Variants in HSF2BP observed in about 807,000 individuals in gnomAD.
HSF2BP encodes the protein heat shock factor 2-binding protein.
Under a neutral mutation model 35.0 loss-of-function variants are expected in HSF2BP, and 35 were observed. The ratio of observed to expected loss-of-function variants is 1.00; its 90% confidence interval spans 0.76 to 1.32. HSF2BP has a LOEUF of 1.32. Among genes scored for constraint, HSF2BP ranks in the 40% most tolerant of loss-of-function variants. The pLI, the probability that HSF2BP is intolerant of heterozygous loss-of-function variation, is 0.00. For synonymous variants in HSF2BP, 114 were observed against 117.4 expected (o/e 0.97, Z 0.18); for missense variants, 326 against 321.7 (o/e 1.01, Z -0.10).
At chr21:43,608,471 A>G (rs1018844161) in intron 7 of HSF2BP, among the ~76,000 whole-genome samples, 2 of 152,200 alleles carry the variant, frequency 1.3e-5, no homozygotes, top group Non-Finnish European at 1.5e-5. Flanking sequence ...AACCACTGAA[A>G]AAAGGGAACT....
intron 7 of HSF2BP, among the ~76,000 whole-genome samples, chr21:43,598,276 C>T (rs1223535855): frequency 6.6e-6 from 1 of 151,948 alleles, no homozygotes; most frequent in Non-Finnish European, 1.5e-5. Flanking sequence ...GCAATCTCGG[C>T]TCCCTGCAAC....
At chr21:43,631,880 C>T in intron 5 of HSF2BP, among the ~76,000 whole-genome samples, 1 of 151,906 alleles carries the variant, frequency 6.6e-6, no homozygotes, top group Admixed American at 6.6e-5. Flanking sequence ...CGTGTGCACG[C>T]TCCCACACAC....
intron 6 of HSF2BP, among the ~76,000 whole-genome samples, chr21:43,618,501 A>T (rs1255998326): frequency 6.6e-6 from 1 of 152,238 alleles, no homozygotes; most frequent in Non-Finnish European, 1.5e-5. Flanking sequence ...AAGACAAATC[A>T]ATGGAGAAAT....
chr21:43,614,019 A>T, intron 6 of HSF2BP, 72 bp from the exon 7 acceptor site: 6 of 1,078,686 alleles, frequency 5.6e-6, no homozygotes, highest in Non-Finnish European at 8.3e-6. Context: ...TGCAGAACAG[A>T]GTATTTTCTC....
Position 43,594,888 on chromosome 21 carries a change from T to C in HSF2BP, c.693-2560A>G, listed in dbSNP as rs183514224. On this transcript the variant is annotated intron_variant, in intron 7 of 8. Coordinates refer to ENST00000291560, the MANE Select transcript of HSF2BP (RefSeq NM_007031.2). ...AACAGGATACTCCTATTAAAAGGCA[T>C]AGATTATAGATGGTTAGATTAAAGG... Among the ~76,000 whole-genome samples the C allele has an allele frequency of 5.2e-4, 79 of 152,262 alleles. 1 individual carries two copies. Among genetic ancestry groups the C allele is most frequent in the Middle Eastern group, 3.4e-3 (1 of 294 alleles).
chr21:43,646,190 G>C (rs572139084), intron 3 of HSF2BP, among the ~76,000 whole-genome samples: 1 of 150,894 alleles, frequency 6.6e-6, no homozygotes, highest in Non-Finnish European at 1.5e-5. Context: ...AGAGCAGAGT[G>C]CCTTTGGACT....
chr21:43,580,968 A>G (rs1039827701), intron 8 of HSF2BP, among the ~76,000 whole-genome samples: 1 of 152,248 alleles, frequency 6.6e-6, no homozygotes, highest in African/African-American at 2.4e-5. Flanking sequence ...AATGCCAGAC[A>G]CTGAAGGGAA....
At chr21:43,582,539 G>GA (rs1402545353) in intron 8 of HSF2BP, among the ~76,000 whole-genome samples, 3 of 104,032 alleles carry the variant, frequency 2.9e-5, no homozygotes, top group Non-Finnish European at 4.0e-5. Flanking sequence ...TGAGGGAGAT[G>GA]AGGACCTGCT....
At chr21:43,585,039 G>A (rs900286568) in intron 8 of HSF2BP, among the ~76,000 whole-genome samples, 1 of 148,950 alleles carries the variant, frequency 6.7e-6, no homozygotes, top group Admixed American at 6.6e-5. Context: ...AGGAACAGTG[G>A]CCCACACCTG....
At chr21:43,629,632 T>C (rs182319011) in intron 6 of HSF2BP, among the ~76,000 whole-genome samples, 88 of 152,314 alleles carry the variant, frequency 5.8e-4, no homozygotes, top group African/African-American at 2.0e-3. Context: ...TCCTCATGGA[T>C]GACTTTGAAG....
intron 8 of HSF2BP, among the ~76,000 whole-genome samples, chr21:43,575,629 G>A (rs1354790799): frequency 6.6e-6 from 1 of 152,214 alleles, no homozygotes; most frequent in African/African-American, 2.4e-5. Flanking sequence ...ACACACTACT[G>A]TTGAGTAATC....
chr21:43,633,174 G>T, intron 5 of HSF2BP, 98 bp downstream of exon 5: 1 of 1,298,730 alleles, frequency 7.7e-7, no homozygotes, highest in Non-Finnish European at 1.1e-6. Context: ...AAAATGGAAA[G>T]ATATGGACTT....
At chr21:43,609,560 C>T (rs2082177531) in intron 7 of HSF2BP, among the ~76,000 whole-genome samples, 1 of 151,918 alleles carries the variant, frequency 6.6e-6, no homozygotes, top group Admixed American at 6.6e-5. Flanking sequence ...AGTGTAGTTC[C>T]CCAGAGAGAG....
intron 7 of HSF2BP, among the ~76,000 whole-genome samples, chr21:43,598,093 G>A (rs1350784887): frequency 6.6e-6 from 1 of 152,136 alleles, no homozygotes; most frequent in Non-Finnish European, 1.5e-5. Flanking sequence ...TTTATCTACT[G>A]AAAAGTGAAT....
At chr21:43,607,991 G>A (rs117616810) in intron 7 of HSF2BP, among the ~76,000 whole-genome samples, 3,663 of 152,170 alleles carry the variant, frequency 0.024, 64 homozygotes, top group Non-Finnish European at 0.038. Flanking sequence ...AACTATAAAA[G>A]TCCTAGAACA....
chr21:43,579,184 A>T (rs561353445), intron 8 of HSF2BP, among the ~76,000 whole-genome samples: 2 of 152,346 alleles, frequency 1.3e-5, no homozygotes, highest in Admixed American at 6.5e-5. Context: ...TACAAATCAT[A>T]TGGAAGATTT....
At chr21:43,624,684 G>A (rs1197543026) in intron 6 of HSF2BP, among the ~76,000 whole-genome samples, 1 of 152,142 alleles carries the variant, frequency 6.6e-6, no homozygotes, top group Admixed American at 6.5e-5. Context: ...TTTTGATGCT[G>A]CAATTATTAT....
intron 8 of HSF2BP, among the ~76,000 whole-genome samples, chr21:43,580,121 G>C (rs923325214): frequency 6.6e-6 from 1 of 152,204 alleles, no homozygotes; most frequent in African/African-American, 2.4e-5. Flanking sequence ...CTTTCTGTTT[G>C]TCACCTTTTT....
At chr21:43,611,208 T>C (rs1290310796) in intron 7 of HSF2BP, among the ~76,000 whole-genome samples, 4 of 152,298 alleles carry the variant, frequency 2.6e-5, no homozygotes, top group African/African-American at 9.6e-5. Flanking sequence ...TTCATACCAC[T>C]GTGCTCCAGC....
Sources: gnomAD v4.1 joint callset for allele counts (sites outside exome capture counted in the v4.1 genomes callset) on GRCh38, gnomAD v4.1.1 for gene constraint, MANE v1.5 for transcripts, NCBI Gene and HGNC (gene_info 2026-07-23, HGNC 2026-07-21) for gene names.